FNDC1: variants seen among roughly 807,000 people sequenced by gnomAD.
FNDC1 encodes fibronectin type III domain-containing protein 1.
In FNDC1, 96 loss-of-function variants were observed where a neutral mutation model predicts 168.0. That is an observed-to-expected ratio of 0.57 (90% CI 0.48 to 0.68). The LOEUF is 0.68. Among genes scored for constraint, FNDC1 ranks in the 30% least tolerant of loss-of-function variants. The pLI, the probability that FNDC1 is intolerant of heterozygous loss-of-function variation, is 0.00. For missense variants in FNDC1, 2,587 were observed against 2,482.1 expected, an observed-to-expected ratio of 1.04 and a Z score of -0.90; for synonymous variants, 1,099 against 1,025.9, an observed-to-expected ratio of 1.07 and a Z score of -1.36.
At chr6:159,220,368 C>T (rs484504) in intron 5 of FNDC1, among the ~76,000 whole-genome samples, 21,295 of 152,200 alleles carry the variant, frequency 0.14, 1,739 homozygotes, top group East Asian at 0.37. Flanking sequence ...GTGTCACTTC[C>T]GTTAACTTAC....
In FNDC1 at chr6:159,225,643, T is replaced by C; in HGVS notation, c.993T>C (p.Tyr331=). 1 of 1,613,998 alleles carries C rather than the reference T, an allele frequency of 6.2e-7. No individual in the cohort carries two copies. Among genetic ancestry groups the C allele is most frequent in the Non-Finnish European group, 8.5e-7 (1 of 1,179,882 alleles). The change falls in exon 8 of 23, where the codon TAT becomes TAC. Residue 331 remains tyrosine, a synonymous_variant. Transcript: ENST00000297267. The stretch of plus-strand genomic sequence containing the variant: ...AGAACCTGATTCCAGACACTGTGTA[T>C]GAATTTGCAGTCCGTATTTCACAGG... ...LIENLIPDTV[Y]EFAVRISQGE... is the part of the protein sequence containing the mutation.
In FNDC1 at chr6:159,232,809, C is replaced by T; in HGVS notation, c.2297C>T (p.Ser766Phe). 2 of 1,614,016 alleles carry T rather than the reference C, an allele frequency of 1.2e-6. No individual in the cohort carries two copies. The highest frequency in any genetic ancestry group is 2.2e-5 in the East Asian group (1 of 44,888). Residue 766 changes from serine to phenylalanine, a missense_variant, in exon 11 of 23, where the codon TCC becomes TTC. Physicochemically the swap from Ser to Phe is radical, Grantham distance 155 (BLOSUM62 -2). Coordinates refer to ENST00000297267, the MANE Select transcript of FNDC1 (RefSeq NM_032532.3). This position sits in a 1 kb window ranked among gnomAD's most constrained non-coding sequence, Gnocchi z 4.9. Reference sequence around the variant, plus strand: ...CCATCACGGTCCACCATGTCCTCCTCCGTCTCTTCTCATCTCTCGTCCAGG... The same window carrying T: ...CCATCACGGTCCACCATGTCCTCCTTCGTCTCTTCTCATCTCTCGTCCAGG... ...NAPSRSTMSS[S>F]VSSHLSSRTQ...
At chr6:159,175,400 C>T (rs1032845658) in intron 1 of FNDC1, among the ~76,000 whole-genome samples, 1 of 152,168 alleles carries the variant, frequency 6.6e-6, no homozygotes, top group Non-Finnish European at 1.5e-5. Flanking sequence ...AGATCCCACA[C>T]TCTCCCTGCA....
At chr6:159,200,299 A>G (rs1292329672) in intron 3 of FNDC1, among the ~76,000 whole-genome samples, 1 of 152,284 alleles carries the variant, frequency 6.6e-6, no homozygotes, top group Non-Finnish European at 1.5e-5. Context: ...CATTTCATCC[A>G]GATGTTTTGA....
rs753170565 is a variant in FNDC1 at position 159,232,371 on chromosome 6, C to T, written c.1859C>T (p.Pro620Leu). Residue 620 changes from proline to leucine, a missense_variant, in exon 11 of 23, where the codon CCT becomes CTT. Coordinates refer to ENST00000297267, the MANE Select transcript of FNDC1 (RefSeq NM_032532.3). This position sits in a 1 kb window ranked among gnomAD's most constrained non-coding sequence, Gnocchi z 4.9. The part of the protein sequence containing the change: ...PGAPPSASAS[P>L]AHHASTQGTS... ...GCGCCCCCCTCGGCTTCGGCCTCTC[C>T]TGCCCACCACGCGTCCACCCAGGGC... 1 of 1,613,606 alleles carries T rather than the reference C, an allele frequency of 6.2e-7. No individual in the cohort carries two copies. Among genetic ancestry groups the T allele is most frequent in the South Asian group, 1.1e-5 (1 of 91,042 alleles).
In FNDC1 at chr6:159,232,889, G is replaced by T; in HGVS notation, c.2377G>T (p.Asp793Tyr). 6.2e-7 allele frequency: 1 copy of T among 1,613,072 alleles called. No homozygotes were observed. Among genetic ancestry groups the T allele is most frequent in the Non-Finnish European group, 8.5e-7 (1 of 1,179,820 alleles). The change falls in exon 11 of 23, where the codon GAT becomes TAT. Residue 793 changes from aspartate (D) to tyrosine (Y), a missense_variant. Physicochemically the swap from Asp to Tyr is radical, Grantham distance 160. Transcript: ENST00000297267. This position sits in a 1 kb window ranked among gnomAD's most constrained non-coding sequence, Gnocchi z 4.9. ...TGATGGTGAAAGCCACGGTGACGGC[G>T]ATAGGGAAGACGGCGGAAGGCAGGC... ...ASDGESHGDG[D>Y]REDGGRQAEA...
intron 22 of FNDC1, 58 bp downstream of exon 22, chr6:159,267,984 G>A (rs1777624809): frequency 1.3e-6 from 2 of 1,559,400 alleles, no homozygotes; most frequent in East Asian, 2.3e-5. Flanking sequence ...AGGATTAATA[G>A]AGGGGGAAAA....
Position 159,234,355 on chromosome 6 carries a change from C to T in FNDC1, c.3843C>T (p.Tyr1281=). Residue 1281 remains tyrosine, a synonymous_variant, in exon 11 of 23, where the codon TAC becomes TAT. Transcript: ENST00000297267. ...PVAGTHPWPQ[Y]TTRAPPGHFS... is the part of the protein sequence containing the mutation. ...CGGGCACCCACCCCTGGCCGCAGTACACCACGCGCGCCCCACCTGGCCACT... is the reference window on the plus strand; with the variant it reads ...CGGGCACCCACCCCTGGCCGCAGTATACCACGCGCGCCCCACCTGGCCACT... The T allele has an allele frequency of 6.2e-7, 1 of 1,612,118 alleles. No homozygotes were observed. Among genetic ancestry groups the T allele is most frequent in the Non-Finnish European group, 8.5e-7 (1 of 1,179,150 alleles).
At chr6:159,253,382 C>G (rs1434060966) in intron 17 of FNDC1, among the ~76,000 whole-genome samples, 1 of 152,176 alleles carries the variant, frequency 6.6e-6, no homozygotes, top group African/African-American at 2.4e-5. Flanking sequence ...AACAACGAAG[C>G]CAAGTGAATA....
rs1173469158 is a variant in FNDC1 at position 159,200,546 on chromosome 6, T to G, written c.425T>G (p.Ile142Ser). Residue 142 changes from isoleucine (I) to serine (S), a missense_variant, in exon 4 of 23, where the codon ATT becomes AGT. Physicochemically the swap from Ile to Ser is moderately radical, Grantham distance 142. Coordinates refer to ENST00000297267, the MANE Select transcript of FNDC1 (RefSeq NM_032532.3). ...GEWIEIDGFP[I>S]KGPGPFNETV... Reference sequence around the variant, plus strand: ...TGGATCGAGATTGATGGTTTTCCCATTAAGGGTCCAGGACCATTTAATGAA... The same window carrying G: ...TGGATCGAGATTGATGGTTTTCCCAGTAAGGGTCCAGGACCATTTAATGAA... 5 of 1,600,100 alleles carry G rather than the reference T, an allele frequency of 3.1e-6. No homozygotes were observed. Among genetic ancestry groups the G allele is most frequent in the Non-Finnish European group, 4.3e-6 (5 of 1,172,666 alleles).
chr6:159,214,660 G>A (rs1782672863), intron 4 of FNDC1, among the ~76,000 whole-genome samples: 1 of 152,178 alleles, frequency 6.6e-6, no homozygotes, highest in South Asian at 2.1e-4. Flanking sequence ...AGATAAAAAG[G>A]GACACTGTAA....
intron 1 of FNDC1, among the ~76,000 whole-genome samples, chr6:159,191,874 T>A (rs571545290): frequency 1.3e-5 from 2 of 151,968 alleles, no homozygotes; most frequent in African/African-American, 4.8e-5. Context: ...TAGTCGTGCT[T>A]TTTTTTTGTG....
intron 12 of FNDC1, among the ~76,000 whole-genome samples, chr6:159,237,447 G>A (rs1285797983): frequency 2.0e-5 from 3 of 152,170 alleles, no homozygotes; most frequent in Admixed American, 6.5e-5. Context: ...AGAACCACCA[G>A]CAAAGAGCAC....
At chr6:159,190,306 C>T (rs987966952) in intron 1 of FNDC1, among the ~76,000 whole-genome samples, 4 of 152,192 alleles carry the variant, frequency 2.6e-5, no homozygotes, top group East Asian at 1.9e-4. Flanking sequence ...TCCCCTGTCC[C>T]GCACTCCACG....
At chr6:159,225,396 A>G in intron 7 of FNDC1, 139 bp from the exon 8 acceptor site, 1 of 672,124 alleles carries the variant, frequency 1.5e-6, no homozygotes, top group South Asian at 3.9e-5. Flanking sequence ...TAACATAGTC[A>G]AAAGTTTAGA....
intron 22 of FNDC1, among the ~76,000 whole-genome samples, chr6:159,269,005 T>A (rs1777653317): frequency 6.8e-6 from 1 of 146,682 alleles, no homozygotes; most frequent in Non-Finnish European, 1.5e-5. Flanking sequence ...CATCCATCCA[T>A]CCATCCATCC....
chr6:159,229,837 G>A lies in FNDC1; in HGVS notation c.1203G>A (p.Pro401=), dbSNP rs775564641. ...KVKEYILSYA[P]ALKPFGAKSL... ...CAGAATACATTCTTTCATACGCCCC[G>A]GCTCTCAAACCATTTGGAGCAAAGT... The change falls in exon 10 of 23, where the codon CCG becomes CCA. Residue 401 remains proline, a synonymous_variant. Transcript: ENST00000297267. 13 of 1,612,536 alleles carry A rather than the reference G, an allele frequency of 8.1e-6. No homozygotes were observed. Among genetic ancestry groups the A allele is most frequent in the Non-Finnish European group, 1.0e-5 (12 of 1,179,186 alleles).
At chr6:159,194,194 G>A (rs1782195797) in intron 1 of FNDC1, among the ~76,000 whole-genome samples, 1 of 152,104 alleles carries the variant, frequency 6.6e-6, no homozygotes, top group Admixed American at 6.5e-5. Flanking sequence ...TACAACTTAA[G>A]CTTATTTCCT....
At chr6:159,227,778 G>A (rs935687255) in intron 9 of FNDC1, among the ~76,000 whole-genome samples, 3 of 151,768 alleles carry the variant, frequency 2.0e-5, no homozygotes, top group Non-Finnish European at 4.4e-5. Context: ...CTTGGGCCAC[G>A]CATAAAATAC....
Sources: gnomAD v4.1 joint callset for allele counts (sites outside exome capture counted in the v4.1 genomes callset) on GRCh38, gnomAD v4.1.1 for gene constraint, Gnocchi (gnomAD v3.1) non-coding constraint, MANE v1.5 for transcripts, NCBI Gene and HGNC (gene_info 2026-07-23, HGNC 2026-07-21) for gene names.